ANAPC1: variants seen among roughly 807,000 people sequenced by gnomAD.
The protein encoded by ANAPC1 is anaphase promoting complex subunit 1.
Under a neutral mutation model 208.0 loss-of-function variants are expected in ANAPC1, and 36 were observed. That is an observed-to-expected ratio of 0.17 (90% CI 0.13 to 0.23). ANAPC1 has a LOEUF of 0.23. ANAPC1 is among the 10% of genes least tolerant of loss of function. The pLI, the probability that ANAPC1 is intolerant of heterozygous loss-of-function variation, is 1.00. For missense variants in ANAPC1, 942 were observed against 2,011.6 expected (o/e 0.47, Z 10.17); for synonymous variants, 378 against 695.2 (o/e 0.54, Z 7.18).
intron 42 of ANAPC1, among the ~76,000 whole-genome samples, 154 bp downstream of exon 42, chr2:111,783,741 TAC>T (rs1677408260): frequency 6.6e-6 from 1 of 152,280 alleles, no homozygotes; most frequent in African/African-American, 2.4e-5. Flanking sequence ...GTTTCAAAGA[TAC>T]AGACTGTTTT....
At chr2:111,793,084 G>GTTAA (rs1281038349) in intron 37 of ANAPC1, among the ~76,000 whole-genome samples, 1 of 152,156 alleles carries the variant, frequency 6.6e-6, no homozygotes, top group Non-Finnish European at 1.5e-5. Context: ...GATAACTGGT[G>GTTAA]TTAACGTTTT....
intron 21 of ANAPC1, among the ~76,000 whole-genome samples, chr2:111,829,536 G>A (rs1007370394): frequency 2.0e-5 from 3 of 152,196 alleles, no homozygotes; most frequent in Admixed American, 1.3e-4. Context: ...AGGATGGGGG[G>A]ACTGAGGAAC....
At chr2:111,868,613 C>A (rs1334050836) in intron 6 of ANAPC1, among the ~76,000 whole-genome samples, 1 of 152,214 alleles carries the variant, frequency 6.6e-6, no homozygotes, top group Non-Finnish European at 1.5e-5. Flanking sequence ...TCACTACAAC[C>A]TCCACCTCCC....
At chr2:111,826,583 T>C (rs1679843907) in intron 21 of ANAPC1, among the ~76,000 whole-genome samples, 1 of 152,206 alleles carries the variant, frequency 6.6e-6, no homozygotes, top group Non-Finnish European at 1.5e-5. Context: ...CATACCAAAC[T>C]TTGTTTACCT....
intron 46 of ANAPC1, among the ~76,000 whole-genome samples, chr2:111,773,315 G>A (rs1676844416): frequency 6.6e-6 from 1 of 152,230 alleles, no homozygotes; most frequent in Non-Finnish European, 1.5e-5. Flanking sequence ...TGCTGAGCTA[G>A]AGGTGAACAT....
intron 13 of ANAPC1, among the ~76,000 whole-genome samples, chr2:111,855,923 C>T (rs1573471718): frequency 6.6e-6 from 1 of 152,234 alleles, no homozygotes; most frequent in East Asian, 1.9e-4. Context: ...TCTCTACGTA[C>T]ATTTCACAAA....
At chr2:111,837,295 G>T (rs1399968309) in intron 18 of ANAPC1, among the ~76,000 whole-genome samples, 1 of 152,210 alleles carries the variant, frequency 6.6e-6, no homozygotes, top group African/African-American at 2.4e-5. Flanking sequence ...TCAGATCAGT[G>T]ATTGCTAGAA....
intron 42 of ANAPC1, among the ~76,000 whole-genome samples, chr2:111,782,795 G>C (rs1006539051): frequency 5.3e-5 from 8 of 152,260 alleles, no homozygotes; most frequent in African/African-American, 1.4e-4. Context: ...ACATTTCTTT[G>C]TATTCCCTAT....
chr2:111,809,154 G>A lies in ANAPC1; in HGVS notation c.3625C>T (p.Leu1209=). The change falls in exon 29 of 48, where the codon CTA becomes TTA. Residue 1209 remains leucine, a synonymous_variant. Transcript: ENST00000341068. The part of the protein sequence containing the change: ...KGHEMTSIGL[L]LGVSAAKLGT... ...AGTTTTGCAGCAGAAACACCAAGTA[G>A]CAGTCCAATGCTTGTCATTTCATGG... The A allele has an allele frequency of 6.2e-7, 1 of 1,608,692 alleles. No homozygotes were observed.
At chr2:111,883,723 G>A (rs1440782010) in intron 1 of ANAPC1, among the ~76,000 whole-genome samples, 1 of 152,210 alleles carries the variant, frequency 6.6e-6, no homozygotes, top group Non-Finnish European at 1.5e-5. Context: ...GCTCAGGAAA[G>A]AGGTTGGCAA....
At position 111,768,622 on chromosome 2, in the gene ANAPC1, G is replaced by T. The variant is rs1432873514; in HGVS notation, c.*669C>A. 6.8e-6 allele frequency: 1 copy of T among 146,666 alleles called. No individual in the cohort carries two copies. Among genetic ancestry groups the T allele is most frequent in the Non-Finnish European group, 1.5e-5 (1 of 67,004 alleles). 9.1% of individuals were successfully genotyped at this position (146,666 alleles called of 1,614,324 possible). On this transcript the variant is annotated 3_prime_UTR_variant, in exon 48 of 48. Coordinates refer to ENST00000341068, the MANE Select transcript of ANAPC1 (RefSeq NM_022662.4). The stretch of plus-strand genomic sequence containing the variant: ...AGGCCACCAATTCTACTGAATTAAG[G>T]CCCCACCCTTATGATGACCTCACTT...
chr2:111,806,785 C>T (rs1011994940), intron 29 of ANAPC1, among the ~76,000 whole-genome samples: 1 of 152,198 alleles, frequency 6.6e-6, no homozygotes, highest in Non-Finnish European at 1.5e-5. Flanking sequence ...CACCCTATAA[C>T]TCTAACACTA....
intron 41 of ANAPC1, 58 bp downstream of exon 41, chr2:111,784,265 C>T (rs1406484496): frequency 1.5e-5 from 25 of 1,613,838 alleles, no homozygotes; most frequent in Non-Finnish European, 1.8e-5. Flanking sequence ...ATCTTTAACG[C>T]TATGCCATTC....
intron 35 of ANAPC1, 32 bp from the exon 36 acceptor site, chr2:111,794,355 A>G (rs770291690): frequency 1.6e-6 from 2 of 1,284,576 alleles, no homozygotes; most frequent in Admixed American, 4.0e-5. Flanking sequence ...TTTAATAATC[A>G]TTATTTTACT....
Position 111,868,224 on chromosome 2 carries a change from C to T in ANAPC1, c.612-128G>A. On this transcript the variant is annotated intron_variant, in intron 6 of 47. Coordinates refer to ENST00000341068, the MANE Select transcript of ANAPC1 (RefSeq NM_022662.4). Reference sequence around the variant, plus strand: ...GAAACCTACTATCTCAAAATGCAATCTTCTAAACTTTGTACATACTATTTT... The same window carrying T: ...GAAACCTACTATCTCAAAATGCAATTTTCTAAACTTTGTACATACTATTTT... 5 of 545,498 alleles carry T rather than the reference C, an allele frequency of 9.2e-6. No individual in the cohort carries two copies. In the South Asian group the frequency reaches 1.7e-4, roughly 19 times the overall value. The allele number at this position is 545,498 out of a possible 1,614,324, so 33.8% of individuals were successfully genotyped here.
At chr2:111,817,908 G>A (rs1365161079) in intron 27 of ANAPC1, among the ~76,000 whole-genome samples, 2 of 120,602 alleles carry the variant, frequency 1.7e-5, no homozygotes, top group East Asian at 2.2e-4. Context: ...AGGGGGACAT[G>A]CACTATAAAA....
At position 111,813,457 on chromosome 2, in the gene ANAPC1, T is replaced by C. The variant is rs1188788236; in HGVS notation, c.3597+1913A>G. Among the ~76,000 whole-genome samples the C allele has an allele frequency of 3.3e-5, 5 of 151,404 alleles. No homozygotes were observed. In the East Asian group the frequency reaches 9.7e-4, roughly 30 times the overall value. ...GTGGAGACTGATATTAATCCAGATGTTTGGGCAATTCAGGAAAATACTGGC... is the reference window on the plus strand; with the variant it reads ...GTGGAGACTGATATTAATCCAGATGCTTGGGCAATTCAGGAAAATACTGGC... On this transcript the variant is annotated intron_variant, in intron 28 of 47. Transcript: ENST00000341068.
intron 2 of ANAPC1, among the ~76,000 whole-genome samples, chr2:111,879,767 G>T (rs1329246199): frequency 3.9e-5 from 6 of 152,100 alleles, no homozygotes; most frequent in African/African-American, 1.4e-4. Context: ...AGCTACTCGG[G>T]AGGCTGAGGC....
At chr2:111,785,726 G>A (rs935253831) in intron 39 of ANAPC1, among the ~76,000 whole-genome samples, 9 of 151,990 alleles carry the variant, frequency 5.9e-5, no homozygotes, top group Admixed American at 5.9e-4. Flanking sequence ...GTTTTACAGG[G>A]AGGTAAAAAG....
Sources: gnomAD v4.1 joint callset for allele counts (sites outside exome capture counted in the v4.1 genomes callset) on GRCh38, gnomAD v4.1.1 for gene constraint, MANE v1.5 for transcripts, NCBI Gene and HGNC (gene_info 2026-07-23, HGNC 2026-07-21) for gene names.